The following NDFIP1 variants were observed in gnomAD, a reference collection of about 807,000 sequenced individuals.
The protein encoded by NDFIP1 is Nedd4 family interacting protein 1, also known as NEDD4 family-interacting protein 1.
NDFIP1 carries 7 observed loss-of-function variants against 28.8 expected under a neutral mutation model. That is an observed-to-expected ratio of 0.24 (90% CI 0.14 to 0.46). The LOEUF is 0.46. Among genes scored for constraint, NDFIP1 ranks in the 20% least tolerant of loss-of-function variants. The pLI, the probability that NDFIP1 is intolerant of heterozygous loss-of-function variation, is 0.99. For synonymous variants in NDFIP1, 92 were observed against 101.0 expected, an observed-to-expected ratio of 0.91 and a Z score of 0.53; for missense variants, 194 against 269.1, an observed-to-expected ratio of 0.72 and a Z score of 1.95.
intron 7 of NDFIP1, among the ~76,000 whole-genome samples, chr5:142,148,934 TGAG>T (rs1225092007): frequency 6.6e-6 from 1 of 152,092 alleles, no homozygotes; most frequent in East Asian, 1.9e-4. Context: ...GCCAGGTGAA[TGAG>T]GAGTTAGCTA....
chr5:142,134,242 A>G (rs1207896905), intron 3 of NDFIP1, among the ~76,000 whole-genome samples: 1 of 152,230 alleles, frequency 6.6e-6, no homozygotes, highest in Non-Finnish European at 1.5e-5. Context: ...TCTAGGATGC[A>G]TCATGGTAGA....
intron 7 of NDFIP1, among the ~76,000 whole-genome samples, chr5:142,145,006 C>A (rs1757373269): frequency 6.6e-6 from 1 of 152,326 alleles, no homozygotes; most frequent in East Asian, 1.9e-4. Flanking sequence ...CTTACTGTTG[C>A]ACCAGTTCCA....
intron 7 of NDFIP1, among the ~76,000 whole-genome samples, chr5:142,147,977 T>C (rs953815903): frequency 6.6e-6 from 1 of 152,210 alleles, no homozygotes; most frequent in Non-Finnish European, 1.5e-5. Context: ...TTTATTTTCT[T>C]TTATGGACTT....
chr5:142,153,042 T>C lies in NDFIP1; in HGVS notation c.*1314T>C, dbSNP rs901852909. The C allele has an allele frequency of 3.8e-5, 13 of 341,212 alleles. No homozygotes were observed. Among genetic ancestry groups the C allele is most frequent in the African/African-American group, 2.8e-4 (13 of 46,580 alleles). 21.1% of individuals were successfully genotyped at this position (341,212 alleles called of 1,614,324 possible). On this transcript the variant is annotated 3_prime_UTR_variant, in exon 8 of 8. Transcript: ENST00000253814. ...AGATCTTAAATCATTCTGGAATTCC[T>C]AATTATGCTTCAATTTTTAGACATA...
chr5:142,109,824 A>G (rs1756993446), intron 1 of NDFIP1, among the ~76,000 whole-genome samples: 1 of 152,192 alleles, frequency 6.6e-6, no homozygotes, highest in African/African-American at 2.4e-5. Context: ...CCGCGTCTGT[A>G]GCTAAGTTCC....
intron 1 of NDFIP1, among the ~76,000 whole-genome samples, chr5:142,125,534 A>G (rs1473228367): frequency 1.3e-5 from 2 of 151,910 alleles, no homozygotes; most frequent in African/African-American, 4.8e-5. Flanking sequence ...TAATTTTTAA[A>G]TTTTTAGTAG....
At position 142,152,140 on chromosome 5, in the gene NDFIP1, A is replaced by C. The variant is rs1212587107; in HGVS notation, c.*412A>C. On this transcript the variant is annotated 3_prime_UTR_variant, in exon 8 of 8. Transcript: ENST00000253814. ...AGATATGTATAATGCTGGCCATTTT[A>C]AAGGGGTTTTCTCAAAAGTTAAACT... The C allele has an allele frequency of 6.5e-6, 1 of 152,804 alleles. No homozygotes were observed. Among genetic ancestry groups the C allele is most frequent in the Admixed American group, 6.5e-5 (1 of 15,284 alleles). 9.5% of individuals were successfully genotyped at this position (152,804 alleles called of 1,614,324 possible).
Position 142,152,327 on chromosome 5 carries a change from A to G in NDFIP1, c.*599A>G, listed in dbSNP as rs1363994261. ...CTTTAATTGGTAAATAATAAGCATTAATTTTTTATAGCCTGTATTCACAAT... is the reference window on the plus strand; with the variant it reads ...CTTTAATTGGTAAATAATAAGCATTGATTTTTTATAGCCTGTATTCACAAT... On this transcript the variant is annotated 3_prime_UTR_variant, in exon 8 of 8. Coordinates refer to ENST00000253814, the MANE Select transcript of NDFIP1 (RefSeq NM_030571.4). 6.6e-6 allele frequency: 1 copy of G among 152,440 alleles called. No individual in the cohort carries two copies. The highest frequency in any genetic ancestry group is 1.5e-5 in the Non-Finnish European group (1 of 68,026). The allele number at this position is 152,440 out of a possible 1,614,324, so 9.4% of individuals were successfully genotyped here. A position where few individuals can be genotyped will look rare whatever the true frequency, so the allele number is the denominator to read the frequency against.
chr5:142,135,864 T>C, intron 4 of NDFIP1, 47 bp downstream of exon 4: 1 of 1,354,106 alleles, frequency 7.4e-7, no homozygotes, highest in Non-Finnish European at 1.1e-6. Context: ...ACTAGAGTGC[T>C]TTGGATTATG....
chr5:142,147,439 C>T (rs777562582), intron 7 of NDFIP1, among the ~76,000 whole-genome samples: 4 of 152,144 alleles, frequency 2.6e-5, no homozygotes, highest in Non-Finnish European at 5.9e-5. Flanking sequence ...TCCTCCCTAT[C>T]GATTCTTTAT....
At chr5:142,109,199 AG>A (rs1254944284) in intron 1 of NDFIP1, among the ~76,000 whole-genome samples, 162 bp downstream of exon 1, 50 of 152,062 alleles carry the variant, frequency 3.3e-4, no homozygotes, top group African/African-American at 1.1e-3. Context: ...CTCGGATTCG[AG>A]GCTGCCACGG....
In NDFIP1 at chr5:142,109,075, C is replaced by G. The variant is rs1016500296; in HGVS notation, c.63+38C>G. ...CGACTCCAGCCCCGAACTCCGGTCC[C>G]TGGCTCTGCCCTGCCCGCTGGCCGC... On this transcript the variant is annotated intron_variant, in intron 1 of 7. Coordinates refer to ENST00000253814, the MANE Select transcript of NDFIP1 (RefSeq NM_030571.4). The G allele has an allele frequency of 5.9e-6, 8 of 1,350,904 alleles. No individual in the cohort carries two copies. In the East Asian group the frequency reaches 2.5e-4, roughly 42 times the overall value. 83.7% of individuals were successfully genotyped at this position (1,350,904 alleles called of 1,614,324 possible).
intron 1 of NDFIP1, among the ~76,000 whole-genome samples, chr5:142,125,114 T>A (rs749489740): frequency 6.6e-6 from 1 of 152,146 alleles, no homozygotes; most frequent in Non-Finnish European, 1.5e-5. Context: ...ACACCCGGCC[T>A]CTTGTACTGT....
intron 1 of NDFIP1, among the ~76,000 whole-genome samples, chr5:142,124,262 G>A (rs1268605777): frequency 6.6e-6 from 1 of 152,160 alleles, no homozygotes; most frequent in Admixed American, 6.5e-5. Flanking sequence ...ACCTTGCAGT[G>A]CTACTACCAT....
chr5:142,128,242 A>G (rs910403826), intron 1 of NDFIP1, among the ~76,000 whole-genome samples: 3 of 152,096 alleles, frequency 2.0e-5, no homozygotes, highest in South Asian at 2.1e-4. Flanking sequence ...CATCTTTCCA[A>G]CTCTAACCCA....
chr5:142,141,615 A>G (rs1757332852), intron 6 of NDFIP1, among the ~76,000 whole-genome samples: 1 of 152,234 alleles, frequency 6.6e-6, no homozygotes, highest in South Asian at 2.1e-4. Flanking sequence ...TGATACAGTT[A>G]GAGAGACCAC....
At chr5:142,117,105 A>G (rs532036302) in intron 1 of NDFIP1, among the ~76,000 whole-genome samples, 1 of 152,274 alleles carries the variant, frequency 6.6e-6, no homozygotes, top group South Asian at 2.1e-4. Flanking sequence ...AGTTTATCTC[A>G]GCAATATTAA....
chr5:142,110,564 A>T lies in NDFIP1; in HGVS notation c.63+1527A>T, dbSNP rs558573537. 5.9e-5 allele frequency among the ~76,000 whole-genome samples: 9 copies of T among 152,342 alleles called. No individual in the cohort carries two copies. The Middle Eastern group carries it at 0.01, about 173-fold the overall frequency. On this transcript the variant is annotated intron_variant, in intron 1 of 7. Coordinates refer to ENST00000253814, the MANE Select transcript of NDFIP1 (RefSeq NM_030571.4). ...GGAGTATCAAAATCATGTATTCCTT[A>T]GTGTGGCATTTAATATTTTTTAATT...
At chr5:142,113,507 T>C (rs1047523702) in intron 1 of NDFIP1, among the ~76,000 whole-genome samples, 1 of 152,210 alleles carries the variant, frequency 6.6e-6, no homozygotes, top group Non-Finnish European at 1.5e-5. Context: ...CAAAGAAAAT[T>C]TATAAAAATA....
Sources: allele counts gnomAD v4.1 joint callset (sites outside exome capture counted in the v4.1 genomes callset), GRCh38; gene constraint gnomAD v4.1.1; transcripts MANE v1.5; gene names NCBI Gene and HGNC (gene_info 2026-07-23, HGNC 2026-07-21).